The following KCNU1 variants were observed in gnomAD, a reference collection of about 807,000 sequenced individuals.
The protein encoded by KCNU1 is potassium channel subfamily U member 1.
Under a neutral mutation model 126.8 loss-of-function variants are expected in KCNU1, and 93 were observed. The ratio of observed to expected loss-of-function variants is 0.73; its 90% CI spans 0.62 to 0.87. The LOEUF is 0.87. Ranked by LOEUF, KCNU1 falls within the 40% of genes least tolerant of loss-of-function variation. KCNU1 has a pLI of 0.00. For synonymous variants in KCNU1, 523 were observed against 494.2 expected, an observed-to-expected ratio of 1.06 and a Z score of -0.77; for missense variants, 1,330 against 1,367.1, an observed-to-expected ratio of 0.97 and a Z score of 0.43.
chr8:36,788,699 C>G (rs6989810), intron 2 of KCNU1, among the ~76,000 whole-genome samples: 1 of 151,952 alleles, frequency 6.6e-6, no homozygotes, highest in Non-Finnish European at 1.5e-5. Context: ...TTCTGTCTTC[C>G]GAAGTTTTTG....
intron 23 of KCNU1, among the ~76,000 whole-genome samples, chr8:36,919,898 C>A (rs557046067): frequency 1.7e-4 from 26 of 152,332 alleles, no homozygotes; most frequent in African/African-American, 6.3e-4. Context: ...GTAGGTGTCA[C>A]TGCCACTTGA....
chr8:36,919,957 C>T (rs1808279818), intron 23 of KCNU1, among the ~76,000 whole-genome samples: 2 of 152,206 alleles, frequency 1.3e-5, no homozygotes, highest in South Asian at 2.1e-4. Context: ...TGCCTCATTG[C>T]TACCTAGCTT....
chr8:36,841,776 T>A (rs1382995844), intron 16 of KCNU1, among the ~76,000 whole-genome samples: 4 of 152,152 alleles, frequency 2.6e-5, no homozygotes, highest in African/African-American at 9.7e-5. Flanking sequence ...AAGGCTTTTG[T>A]TGATAGAGTT....
chr8:36,854,744 A>G (rs1027582545), intron 18 of KCNU1, among the ~76,000 whole-genome samples: 1 of 152,122 alleles, frequency 6.6e-6, no homozygotes, highest in Non-Finnish European at 1.5e-5. Flanking sequence ...GATGGTGTCT[A>G]TTGAGAGCCT....
chr8:36,876,558 A>G (rs1806284873), intron 19 of KCNU1, among the ~76,000 whole-genome samples: 1 of 152,156 alleles, frequency 6.6e-6, no homozygotes, highest in Non-Finnish European at 1.5e-5. Context: ...TCTTGGAGGT[A>G]GGGCAGGGTA....
chr8:36,834,738 T>C, intron 11 of KCNU1, 48 bp from the exon 12 acceptor site: 2 of 1,224,922 alleles, frequency 1.6e-6, no homozygotes, highest in Non-Finnish European at 2.4e-6. Flanking sequence ...GACCAGAGCA[T>C]TTCCCATGTA....
At chr8:36,873,744 G>C (rs965326063) in intron 19 of KCNU1, among the ~76,000 whole-genome samples, 1 of 152,148 alleles carries the variant, frequency 6.6e-6, no homozygotes, top group African/African-American at 2.4e-5. Context: ...CATGCGCAAC[G>C]ATCAGGACAA....
intron 18 of KCNU1, among the ~76,000 whole-genome samples, chr8:36,851,524 G>A (rs566393800): frequency 2.0e-4 from 31 of 152,082 alleles, no homozygotes; most frequent in Non-Finnish European, 4.1e-4. Context: ...CAATTAAACC[G>A]TTTTTCTTCA....
chr8:36,802,634 G>A (rs1017249468), intron 2 of KCNU1, among the ~76,000 whole-genome samples: 1 of 152,110 alleles, frequency 6.6e-6, no homozygotes, highest in African/African-American at 2.4e-5. Context: ...AAGAGTGGCC[G>A]TGAGAGAACA....
chr8:36,929,387 C>CAAAAAAAAAAAAAAA (rs35835813), intron 24 of KCNU1, among the ~76,000 whole-genome samples: 1 of 99,306 alleles, frequency 1.0e-5, no homozygotes, highest in Non-Finnish European at 2.0e-5. Flanking sequence ...GACCCTGTCT[C>CAAAAAAAAAAAAAAA]AAAAAAAAAA....
At chr8:36,793,976 C>A (rs1802997463) in intron 2 of KCNU1, among the ~76,000 whole-genome samples, 1 of 149,298 alleles carries the variant, frequency 6.7e-6, no homozygotes, top group Non-Finnish European at 1.5e-5. Context: ...ATCACTTGAA[C>A]CTGGGCGGCA....
At chr8:36,930,162 T>C (rs1808656757) in intron 24 of KCNU1, among the ~76,000 whole-genome samples, 1 of 152,084 alleles carries the variant, frequency 6.6e-6, no homozygotes, top group African/African-American at 2.4e-5. Flanking sequence ...ATATATTCAA[T>C]AAATTTGAGA....
chr8:36,813,990 C>T (rs1229656620), intron 7 of KCNU1, among the ~76,000 whole-genome samples: 2 of 152,202 alleles, frequency 1.3e-5, no homozygotes, highest in Middle Eastern at 3.4e-3. Flanking sequence ...CCTCAGATTT[C>T]GGCAATGATC....
intron 10 of KCNU1, among the ~76,000 whole-genome samples, chr8:36,832,123 T>C (rs1804575698): frequency 6.6e-6 from 1 of 152,210 alleles, no homozygotes; most frequent in South Asian, 2.1e-4. Context: ...GATCTATATC[T>C]CTGTTTTGGT....
intron 11 of KCNU1, 62 bp downstream of exon 11, chr8:36,833,721 G>T (rs1804645753): frequency 1.1e-6 from 1 of 912,636 alleles, no homozygotes; most frequent in African/African-American, 1.7e-5. Context: ...AAAATAATAG[G>T]ATATATTGCT....
At chr8:36,894,888 T>A (rs1807123316) in intron 19 of KCNU1, among the ~76,000 whole-genome samples, 1 of 152,118 alleles carries the variant, frequency 6.6e-6, no homozygotes, top group African/African-American at 2.4e-5. Flanking sequence ...TATTGTGTTA[T>A]CCATCAGAAA....
intron 11 of KCNU1, among the ~76,000 whole-genome samples, chr8:36,834,179 CAGCTT>C (rs1804663754): frequency 6.6e-6 from 1 of 152,164 alleles, no homozygotes; most frequent in South Asian, 2.1e-4. Context: ...AGATCAAAGG[CAGCTT>C]CCTGTCATGT....
intron 18 of KCNU1, among the ~76,000 whole-genome samples, chr8:36,847,313 G>T (rs1454820811): frequency 1.3e-5 from 2 of 151,924 alleles, no homozygotes; most frequent in African/African-American, 4.8e-5. Context: ...ATCAAATCGG[G>T]GTAATTAGCA....
chr8:36,853,136 G>C (rs1805410870), intron 18 of KCNU1, among the ~76,000 whole-genome samples: 1 of 152,116 alleles, frequency 6.6e-6, no homozygotes, highest in Non-Finnish European at 1.5e-5. Flanking sequence ...TATCACCTGA[G>C]ATCAGGAGTT....
Sources: gnomAD v4.1 joint callset for allele counts (sites outside exome capture counted in the v4.1 genomes callset) on GRCh38, gnomAD v4.1.1 for gene constraint, MANE v1.5 for transcripts, NCBI Gene and HGNC (gene_info 2026-07-23, HGNC 2026-07-21) for gene names.